CAMSAP1: variants seen among roughly 807,000 people sequenced by gnomAD.
The protein encoded by CAMSAP1 is calmodulin-regulated spectrin-associated protein 1.
CAMSAP1 carries 58 observed loss-of-function variants against 143.5 expected under a neutral mutation model. The ratio of observed to expected loss-of-function variants is 0.40; its 90% CI spans 0.33 to 0.50. CAMSAP1 has a LOEUF of 0.50. Ranked by LOEUF, CAMSAP1 falls within the 20% of genes least tolerant of loss-of-function variation. The pLI, the probability that CAMSAP1 is intolerant of heterozygous loss-of-function variation, is 0.45. For missense variants in CAMSAP1, 1,969 were observed against 2,115.7 expected (o/e 0.93, Z 1.36); for synonymous variants, 945 against 859.3 (o/e 1.10, Z -1.74).
At position 135,826,696 on chromosome 9, in the gene CAMSAP1, TAA is replaced by T. The variant is rs1227280825; in HGVS notation, c.1223+709_1223+710del. 2.0e-5 allele frequency among the ~76,000 whole-genome samples: 3 copies of T among 152,230 alleles called. No individual in the cohort carries two copies. The highest frequency in any genetic ancestry group is 2.9e-5 in the Non-Finnish European group (2 of 68,048). On this transcript the variant is annotated intron_variant, in intron 8 of 16. Coordinates refer to ENST00000389532, the MANE Select transcript of CAMSAP1 (RefSeq NM_015447.4). This position sits in a 1 kb window ranked among gnomAD's most constrained non-coding sequence, Gnocchi z 4.4. ...AATCCCAACTTAAATCGCCACATGT[TAA>T]AAATGTTTCTCCACTTTCGGTGTGC... is the stretch of plus-strand genomic sequence containing the variant.
Position 135,811,214 on chromosome 9 carries a change from C to CTT in CAMSAP1, c.*94_*95insAA. 1 of 1,374,334 alleles carries CTT rather than the reference C, an allele frequency of 7.3e-7. No homozygotes were observed. The highest frequency in any genetic ancestry group is 1.5e-5 in the South Asian group (1 of 68,128). 85.1% of individuals were successfully genotyped at this position (1,374,334 alleles called of 1,614,324 possible). A position where few individuals can be genotyped will look rare whatever the true frequency, so the allele number is the denominator to read the frequency against. ...CACTTCGTACCCAAATAGATGAAAA[C>CTT]AATAAATAAGGACCCCGTGGCACCC... On this transcript the variant is annotated 3_prime_UTR_variant, in exon 17 of 17. Transcript: ENST00000389532. This position sits in a 1 kb window ranked among gnomAD's most constrained non-coding sequence, Gnocchi z 4.9.
intron 1 of CAMSAP1, among the ~76,000 whole-genome samples, chr9:135,902,100 A>G (rs1838635202): frequency 6.6e-6 from 1 of 152,102 alleles, no homozygotes; most frequent in Non-Finnish European, 1.5e-5. Flanking sequence ...TTCTCAGGAC[A>G]CCTCTGCAGA....
At chr9:135,885,341 C>T (rs748006085) in intron 1 of CAMSAP1, among the ~76,000 whole-genome samples, 98 of 152,180 alleles carry the variant, frequency 6.4e-4, no homozygotes, top group Non-Finnish European at 1.3e-3. Flanking sequence ...GGGGGCACCT[C>T]GAGCCTAACC....
chr9:135,899,399 G>GAAAAAAAAAAAAAA, intron 1 of CAMSAP1, among the ~76,000 whole-genome samples: 1 of 144,646 alleles, frequency 6.9e-6, no homozygotes, highest in South Asian at 2.2e-4. Flanking sequence ...GACCATCCCT[G>GAAAAAAAAAAAAAA]ACAGAACTTG....
intron 3 of CAMSAP1, among the ~76,000 whole-genome samples, chr9:135,871,723 G>A (rs6537915): frequency 0.017 from 2,607 of 151,468 alleles, 73 homozygotes; most frequent in African/African-American, 0.06. Context: ...GAGGTCAGGT[G>A]TTTGAGAACA....
chr9:135,869,213 A>C (rs1044388034), intron 3 of CAMSAP1, among the ~76,000 whole-genome samples: 1 of 152,088 alleles, frequency 6.6e-6, no homozygotes, highest in Non-Finnish European at 1.5e-5. Context: ...CCTCCAAAGA[A>C]GATATACAGT....
chr9:135,818,297 A>C lies in CAMSAP1; in HGVS notation c.4168+111T>G, dbSNP rs1348445428. On this transcript the variant is annotated intron_variant, in intron 13 of 16. Coordinates refer to ENST00000389532, the MANE Select transcript of CAMSAP1 (RefSeq NM_015447.4). This position sits in a 1 kb window ranked among gnomAD's most constrained non-coding sequence, Gnocchi z 7.7. ...CCATGAAACGGGGATAATCATCTCC[A>C]CCCTTCCCGCCTCACACCACTCTTG... 1.0e-5 allele frequency: 13 copies of C among 1,245,154 alleles called. No homozygotes were observed. Among genetic ancestry groups the C allele is most frequent in the Admixed American group, 2.3e-5 (1 of 43,994 alleles). 77.1% of individuals were successfully genotyped at this position (1,245,154 alleles called of 1,614,324 possible). A position where few individuals can be genotyped will look rare whatever the true frequency, so the allele number is the denominator to read the frequency against.
chr9:135,855,422 T>C (rs1177913022), intron 5 of CAMSAP1, among the ~76,000 whole-genome samples: 1 of 152,176 alleles, frequency 6.6e-6, no homozygotes, highest in African/African-American at 2.4e-5. Context: ...TTTCTATTGC[T>C]GCATGCCAAA....
Position 135,883,188 on chromosome 9 carries a change from A to G in CAMSAP1, c.161-110T>C, listed in dbSNP as rs1049655147. On this transcript the variant is annotated intron_variant, in intron 1 of 16. Coordinates refer to ENST00000389532, the MANE Select transcript of CAMSAP1 (RefSeq NM_015447.4). ...GCCACTGTACTCCAGCCTGGGCAAC[A>G]CAGGGAGACCAAGTGTCAAAAAAAA... 2.5e-6 allele frequency: 3 copies of G among 1,181,640 alleles called. No individual in the cohort carries two copies. In the African/African-American group the frequency reaches 4.6e-5, roughly 18 times the overall value. The allele number at this position is 1,181,640 out of a possible 1,614,324, so 73.2% of individuals were successfully genotyped here.
At chr9:135,905,122 A>G (rs1838737262) in intron 1 of CAMSAP1, among the ~76,000 whole-genome samples, 1 of 152,200 alleles carries the variant, frequency 6.6e-6, no homozygotes, top group East Asian at 1.9e-4. Context: ...TTAAATGCCC[A>G]CCTTTTAATA....
At chr9:135,814,954 G>C in intron 16 of CAMSAP1, 143 bp downstream of exon 16, 1 of 656,382 alleles carries the variant, frequency 1.5e-6, no homozygotes, top group Non-Finnish European at 2.6e-6. Context: ...CACCTGCCTG[G>C]AACGGCCTCT....
chr9:135,819,807 C>CT (rs1835380304), intron 11 of CAMSAP1, among the ~76,000 whole-genome samples: 1 of 151,346 alleles, frequency 6.6e-6, no homozygotes, highest in African/African-American at 2.4e-5. Context: ...AGATCATGCC[C>CT]TTTTACTCCA....
At chr9:135,850,065 C>G in intron 7 of CAMSAP1, 72 bp downstream of exon 7, 1 of 1,246,422 alleles carries the variant, frequency 8.0e-7, no homozygotes, top group South Asian at 1.4e-5. Flanking sequence ...CATGGAACCA[C>G]TGGAGAGTGC....
intron 1 of CAMSAP1, among the ~76,000 whole-genome samples, chr9:135,892,948 C>T (rs1223839151): frequency 6.6e-6 from 1 of 150,658 alleles, no homozygotes; most frequent in Non-Finnish European, 1.5e-5. Flanking sequence ...GTAGGAGGAT[C>T]ATTTGAGTTC....
chr9:135,864,535 C>A (rs1344280871), intron 4 of CAMSAP1, among the ~76,000 whole-genome samples: 1 of 152,104 alleles, frequency 6.6e-6, no homozygotes, highest in African/African-American at 2.4e-5. Context: ...ATGCATAAAG[C>A]CCTCTGCAAG....
At chr9:135,858,426 T>C (rs1052980664) in intron 5 of CAMSAP1, among the ~76,000 whole-genome samples, 18 of 152,168 alleles carry the variant, frequency 1.2e-4, no homozygotes, top group Admixed American at 1.3e-4. Flanking sequence ...GATACATCAG[T>C]GAGCAAAACA....
At chr9:135,841,264 C>T (rs1430339581) in intron 7 of CAMSAP1, among the ~76,000 whole-genome samples, 3 of 152,216 alleles carry the variant, frequency 2.0e-5, no homozygotes, top group African/African-American at 7.2e-5. Context: ...CCCTCCAGAG[C>T]TGGGCAAAGC....
Position 135,820,861 on chromosome 9 carries a change from G to A in CAMSAP1, c.3800C>T (p.Pro1267Leu), listed in dbSNP as rs191506846. 6.3e-4 allele frequency: 1,014 copies of A among 1,613,340 alleles called. 6 individuals are homozygous for A. Among genetic ancestry groups the A allele is most frequent in the East Asian group, 3.3e-3 (146 of 44,874 alleles). Residue 1267 changes from proline (P) to leucine (L), a missense_variant, in exon 11 of 17, where the codon CCG becomes CTG. Around this residue, in one of 4 missense-constraint regions of CAMSAP1, gnomAD observed 1,390 missense variants for 1,420.8 expected, o/e 0.98. Transcript: ENST00000389532. This position sits in a 1 kb window ranked among gnomAD's most constrained non-coding sequence, Gnocchi z 4.4. ...TACCTTGAAGAAGAAGCCGACCCCC[G>A]GCTTCTGGTCGCCTTCGCTGACAAG... ...ADLVSEGDQKPGVGFFFKDEQ... is the reference protein window; with the variant it reads ...ADLVSEGDQKLGVGFFFKDEQ...
At chr9:135,849,358 C>T (rs76113951) in intron 7 of CAMSAP1, among the ~76,000 whole-genome samples, 3 of 152,314 alleles carry the variant, frequency 2.0e-5, no homozygotes, top group East Asian at 1.9e-4. Flanking sequence ...TTTTGCACCA[C>T]GGTGAAGCTG....
Sources: gnomAD v4.1 joint callset for allele counts (sites outside exome capture counted in the v4.1 genomes callset) on GRCh38, gnomAD v4.1.1 for gene constraint, gnomAD v4.1.1 regional missense constraint, Gnocchi (gnomAD v3.1) non-coding constraint, MANE v1.5 for transcripts, NCBI Gene and HGNC (gene_info 2026-07-23, HGNC 2026-07-21) for gene names.